The following TBC1D5 variants were observed in gnomAD, a reference collection of about 807,000 sequenced individuals.
The protein encoded by TBC1D5 is TBC1 domain family, member 5.
Under a neutral mutation model 100.3 loss-of-function variants are expected in TBC1D5, and 75 were observed. The ratio of observed to expected loss-of-function variants is 0.75; its 90% CI spans 0.62 to 0.91. The LOEUF (loss-of-function observed/expected upper bound fraction) is 0.91, where lower values mean the gene tolerates loss of function less well. Among genes scored for constraint, TBC1D5 ranks in the 40% least tolerant of loss-of-function variants. The pLI, the probability that TBC1D5 is intolerant of heterozygous loss-of-function variation, is 0.00. For synonymous variants in TBC1D5, 323 were observed against 325.6 expected, an observed-to-expected ratio of 0.99 and a Z score of 0.09; for missense variants, 910 against 942.4, an observed-to-expected ratio of 0.97 and a Z score of 0.45.
At chr3:17,583,444 G>A (rs941328254) in intron 2 of TBC1D5, among the ~76,000 whole-genome samples, 1 of 151,998 alleles carries the variant, frequency 6.6e-6, no homozygotes, top group African/African-American at 2.4e-5. Context: ...AGTGGAACCC[G>A]GCTGGGTGCG....
intron 2 of TBC1D5, among the ~76,000 whole-genome samples, chr3:17,533,642 A>T (rs1417344949): frequency 6.6e-6 from 1 of 152,172 alleles, no homozygotes; most frequent in Non-Finnish European, 1.5e-5. Flanking sequence ...TATATAATAG[A>T]TTTTGTGAAT....
At chr3:17,226,259 G>A (rs2074885058) in intron 17 of TBC1D5, among the ~76,000 whole-genome samples, 1 of 150,334 alleles carries the variant, frequency 6.7e-6, no homozygotes, top group Non-Finnish European at 1.5e-5. Context: ...AGTATTCTCA[G>A]CAAGCTTGTA....
intron 16 of TBC1D5, among the ~76,000 whole-genome samples, chr3:17,239,270 A>AC (rs953725926): frequency 1.1e-4 from 17 of 152,154 alleles, no homozygotes; most frequent in African/African-American, 3.9e-4. Flanking sequence ...ACAATGGAAG[A>AC]CCAGCCTCTC....
intron 15 of TBC1D5, among the ~76,000 whole-genome samples, chr3:17,266,473 C>T (rs2078861705): frequency 1.3e-5 from 2 of 152,060 alleles, no homozygotes; most frequent in African/African-American, 2.4e-5. Context: ...TTTTACTATA[C>T]ATATTTATGC....
In TBC1D5 at chr3:17,310,806, G is replaced by A. The variant is rs556036923; in HGVS notation, c.996-2672C>T. On this transcript the variant is annotated intron_variant, in intron 13 of 21. Coordinates refer to ENST00000253692, the Ensembl canonical transcript of TBC1D5. Reference sequence around the variant, plus strand: ...TGAGAGGATATTAAAGTAAAATGCCGTCTCTTCTATTTTATATATAATTAT... The same window carrying A: ...TGAGAGGATATTAAAGTAAAATGCCATCTCTTCTATTTTATATATAATTAT... 1.2e-4 allele frequency among the ~76,000 whole-genome samples: 18 copies of A among 152,014 alleles called. No homozygotes were observed. The South Asian group carries it at 1.5e-3, about 12-fold the overall frequency.
intron 2 of TBC1D5, among the ~76,000 whole-genome samples, chr3:17,584,541 A>G (rs1243957927): frequency 6.6e-6 from 1 of 152,052 alleles, no homozygotes; most frequent in Non-Finnish European, 1.5e-5. Flanking sequence ...TTTAAGCTTC[A>G]TTTCAGGGTT....
At chr3:17,232,313 T>C (rs2075493413) in intron 17 of TBC1D5, among the ~76,000 whole-genome samples, 1 of 152,200 alleles carries the variant, frequency 6.6e-6, no homozygotes, top group South Asian at 2.1e-4. Flanking sequence ...GCCAAAGATC[T>C]ACTCTGTAGC....
intron 2 of TBC1D5, among the ~76,000 whole-genome samples, chr3:17,622,321 C>G (rs1242170485): frequency 2.6e-5 from 4 of 151,118 alleles, no homozygotes; most frequent in Admixed American, 6.6e-5. Context: ...AGTCCATGAC[C>G]AGGGGATTGG....
chr3:17,409,382 C>T (rs1036987394), intron 4 of TBC1D5, among the ~76,000 whole-genome samples: 1 of 152,082 alleles, frequency 6.6e-6, no homozygotes, highest in African/African-American at 2.4e-5. Flanking sequence ...TAAACAGTCC[C>T]TTGTCTCTCT....
At chr3:17,260,415 A>T (rs1327153442) in intron 15 of TBC1D5, among the ~76,000 whole-genome samples, 1 of 152,234 alleles carries the variant, frequency 6.6e-6, no homozygotes, top group Non-Finnish European at 1.5e-5. Flanking sequence ...AAGCACTTAA[A>T]GCCATTATTA....
At chr3:17,431,162 G>A (rs941229380) in intron 3 of TBC1D5, among the ~76,000 whole-genome samples, 2 of 151,854 alleles carry the variant, frequency 1.3e-5, no homozygotes, top group Admixed American at 6.6e-5. Context: ...ACAACAGAGG[G>A]TGCAAGAGAG....
intron 2 of TBC1D5, among the ~76,000 whole-genome samples, chr3:17,614,360 C>T (rs576036110): frequency 6.6e-5 from 10 of 152,228 alleles, no homozygotes; most frequent in Admixed American, 1.3e-4. Context: ...CGATTGTCTT[C>T]GCAATGCGGG....
At chr3:17,419,858 T>G (rs886134599) in intron 4 of TBC1D5, among the ~76,000 whole-genome samples, 3 of 151,960 alleles carry the variant, frequency 2.0e-5, no homozygotes, top group African/African-American at 4.8e-5. Context: ...TTAAAAATAT[T>G]TATTTATTTA....
intron 3 of TBC1D5, among the ~76,000 whole-genome samples, chr3:17,443,816 G>A (rs1313421882): frequency 5.9e-5 from 9 of 152,156 alleles, no homozygotes; most frequent in South Asian, 2.1e-4. Context: ...ATAAGACAGC[G>A]GAATGGGACA....
At chr3:17,412,410 G>C (rs543641757) in intron 4 of TBC1D5, among the ~76,000 whole-genome samples, 73 of 152,252 alleles carry the variant, frequency 4.8e-4, no homozygotes, top group African/African-American at 1.7e-3. Flanking sequence ...GATTCCAGAG[G>C]GTAAACTGCT....
chr3:17,657,413 G>A (rs1488112187), intron 1 of TBC1D5, among the ~76,000 whole-genome samples: 1 of 146,888 alleles, frequency 6.8e-6, no homozygotes, highest in African/African-American at 2.5e-5. Context: ...TCGGCTCACT[G>A]CAACCTCCAC....
intron 2 of TBC1D5, among the ~76,000 whole-genome samples, chr3:17,525,241 T>C (rs1486427267): frequency 6.6e-6 from 1 of 152,122 alleles, no homozygotes; most frequent in African/African-American, 2.4e-5. Flanking sequence ...GCAATTCTCC[T>C]GCCTCAGCCT....
chr3:17,666,950 A>G (rs1485364607), intron 1 of TBC1D5, among the ~76,000 whole-genome samples: 3 of 151,928 alleles, frequency 2.0e-5, no homozygotes, highest in Non-Finnish European at 4.4e-5. Context: ...ATTAGTCTGA[A>G]TTTTTTTTCA....
chr3:17,627,993 A>G (rs541760666), intron 1 of TBC1D5, among the ~76,000 whole-genome samples: 2 of 152,286 alleles, frequency 1.3e-5, no homozygotes, highest in East Asian at 1.9e-4. Context: ...TAAATTATAC[A>G]CTATATTTTT....
Sources: gnomAD v4.1 joint callset for allele counts (sites outside exome capture counted in the v4.1 genomes callset) on GRCh38, gnomAD v4.1.1 for gene constraint, MANE v1.5 for transcripts, NCBI Gene and HGNC (gene_info 2026-07-23, HGNC 2026-07-21) for gene names.